The following SPON1 variants were observed in gnomAD, a reference collection of about 807,000 sequenced individuals.
SPON1 encodes spondin 1.
SPON1 carries 52 observed loss-of-function variants against 111.7 expected under a neutral mutation model. The observed-to-expected ratio is 0.47, with a 90% CI of 0.37 to 0.59. The LOEUF is 0.59. Ranked by LOEUF, SPON1 falls within the 20% of genes least tolerant of loss-of-function variation. The pLI, the probability that SPON1 is intolerant of heterozygous loss-of-function variation, is 0.00. For synonymous variants in SPON1, 410 were observed against 395.8 expected, an observed-to-expected ratio of 1.04 and a Z score of -0.43; for missense variants, 957 against 1,068.5, an observed-to-expected ratio of 0.90 and a Z score of 1.46.
intron 6 of SPON1, among the ~76,000 whole-genome samples, chr11:14,195,575 G>A (rs1396297624): frequency 6.6e-6 from 1 of 152,104 alleles, no homozygotes; most frequent in East Asian, 1.9e-4. Flanking sequence ...CCTATACTTG[G>A]GCCTGGAAGC....
intron 6 of SPON1, among the ~76,000 whole-genome samples, chr11:14,141,018 C>T (rs1013608468): frequency 8.8e-5 from 11 of 124,532 alleles, no homozygotes; most frequent in East Asian, 2.8e-4. Flanking sequence ...TGTATGCAGG[C>T]GTGCCCCCCC....
At chr11:14,132,252 C>T (rs1475780571) in intron 5 of SPON1, among the ~76,000 whole-genome samples, 8 of 150,838 alleles carry the variant, frequency 5.3e-5, no homozygotes, top group Non-Finnish European at 1.0e-4. Flanking sequence ...CACTCTAGCC[C>T]AGGCAACAGT....
chr11:14,001,866 G>C (rs78303498), intron 2 of SPON1, among the ~76,000 whole-genome samples: 6,006 of 152,240 alleles, frequency 0.039, 132 homozygotes, highest in Non-Finnish European at 0.047. Flanking sequence ...AGAAATATTT[G>C]AAGATTAGAT....
intron 2 of SPON1, among the ~76,000 whole-genome samples, chr11:14,012,193 C>G (rs1019525987): frequency 1.3e-5 from 2 of 152,140 alleles, no homozygotes; most frequent in African/African-American, 4.8e-5. Flanking sequence ...AGGTCTAACA[C>G]TGAATGCTGC....
intron 5 of SPON1, among the ~76,000 whole-genome samples, chr11:14,128,690 C>T (rs1382858846): frequency 3.3e-5 from 5 of 152,232 alleles, no homozygotes; most frequent in Non-Finnish European, 7.3e-5. Flanking sequence ...GAGTCTTCAG[C>T]CCCACATTTC....
intron 6 of SPON1, among the ~76,000 whole-genome samples, chr11:14,203,117 C>T (rs1323129495): frequency 6.6e-6 from 1 of 152,178 alleles, no homozygotes; most frequent in Non-Finnish European, 1.5e-5. Context: ...CTAATTCCTC[C>T]TTAGAATGTA....
At chr11:14,150,759 C>A (rs1847777609) in intron 6 of SPON1, among the ~76,000 whole-genome samples, 1 of 152,106 alleles carries the variant, frequency 6.6e-6, no homozygotes, top group Non-Finnish European at 1.5e-5. Context: ...ATAGGTGATT[C>A]CACTACAGTG....
intron 2 of SPON1, among the ~76,000 whole-genome samples, chr11:14,011,606 A>G (rs1322140222): frequency 6.6e-6 from 1 of 152,098 alleles, no homozygotes; most frequent in African/African-American, 2.4e-5. Context: ...ATTGTTCTCA[A>G]GTCAGCCCAA....
At chr11:14,178,045 A>ACACACACACACACACACACACAC (rs1848197407) in intron 6 of SPON1, among the ~76,000 whole-genome samples, 2 of 142,604 alleles carry the variant, frequency 1.4e-5, no homozygotes, top group Non-Finnish European at 1.5e-5. Context: ...CACACACACA[A>ACACACACACACACACACACACAC]ACACACACAC....
intron 2 of SPON1, among the ~76,000 whole-genome samples, chr11:13,989,451 C>T (rs1348403135): frequency 6.6e-6 from 1 of 152,076 alleles, no homozygotes; most frequent in Non-Finnish European, 1.5e-5. Context: ...CTTTATTAGT[C>T]TGGCTAGCAG....
intron 6 of SPON1, among the ~76,000 whole-genome samples, chr11:14,207,943 G>A (rs1848533071): frequency 6.6e-6 from 1 of 152,164 alleles, no homozygotes; most frequent in South Asian, 2.1e-4. Flanking sequence ...GCAAAGACAT[G>A]GAATCAACCT....
At chr11:14,161,305 AT>A (rs1554931285) in intron 6 of SPON1, among the ~76,000 whole-genome samples, 455 of 31,838 alleles carry the variant, frequency 0.014, 35 homozygotes, top group African/African-American at 0.036. Context: ...TTATATATAT[AT>A]TTTTTTATAT....
At chr11:13,986,261 A>T (rs1848181721) in intron 2 of SPON1, among the ~76,000 whole-genome samples, 1 of 151,856 alleles carries the variant, frequency 6.6e-6, no homozygotes. Flanking sequence ...ATTGTAATTA[A>T]ATATATATAT....
chr11:13,972,939 A>ATCTC (rs111729143), intron 1 of SPON1, among the ~76,000 whole-genome samples: 13 of 150,098 alleles, frequency 8.7e-5, no homozygotes, highest in Admixed American at 4.6e-4. Flanking sequence ...GGGTCATTCC[A>ATCTC]TCTCTCTCTC....
chr11:14,160,535 TTA>T lies in SPON1; in HGVS notation c.825+24977_825+24978del, dbSNP rs1169595465. 1.3e-3 allele frequency among the ~76,000 whole-genome samples: 15 copies of T among 11,996 alleles called. 5 individuals are homozygous for T. The East Asian group carries it at 0.036, about 29-fold the overall frequency. 7.9% of individuals were successfully genotyped at this position (11,996 alleles called of 152,430 possible). A position where few individuals can be genotyped will look rare whatever the true frequency, so the allele number is the denominator to read the frequency against. ...TATATATATATTTACATATATATAT[TTA>T]TATATATATTTATATATATATTTAT... On this transcript the variant is annotated intron_variant, in intron 6 of 15. Transcript: ENST00000576479.
chr11:14,054,272 GTTAAT>G (rs1206777549), intron 3 of SPON1, among the ~76,000 whole-genome samples: 2 of 152,312 alleles, frequency 1.3e-5, no homozygotes, highest in East Asian at 3.9e-4. Flanking sequence ...GAAAATCATT[GTTAAT>G]TTAGAGTTTG....
intron 6 of SPON1, among the ~76,000 whole-genome samples, chr11:14,193,011 T>C (rs1355746331): frequency 6.6e-6 from 1 of 152,038 alleles, no homozygotes; most frequent in Non-Finnish European, 1.5e-5. Flanking sequence ...TGCATGCAGC[T>C]CCTATGCAAA....
chr11:13,980,887 G>C (rs782486335), intron 1 of SPON1, among the ~76,000 whole-genome samples: 2 of 152,120 alleles, frequency 1.3e-5, no homozygotes, highest in Non-Finnish European at 2.9e-5. Context: ...ATGATTTTAT[G>C]ATCTTAGGTG....
intron 6 of SPON1, among the ~76,000 whole-genome samples, chr11:14,205,023 C>G (rs7949933): frequency 6.6e-6 from 1 of 151,974 alleles, no homozygotes; most frequent in Non-Finnish European, 1.5e-5. Flanking sequence ...TCCTCTTAGA[C>G]GTTCCCCAGC....
Sources: gnomAD v4.1 joint callset for allele counts (sites outside exome capture counted in the v4.1 genomes callset) on GRCh38, gnomAD v4.1.1 for gene constraint, MANE v1.5 for transcripts, NCBI Gene and HGNC (gene_info 2026-07-23, HGNC 2026-07-21) for gene names.